ARSB: variants seen among roughly 807,000 people sequenced by gnomAD.
The protein encoded by ARSB is N-acetylgalactosamine-4-sulfatase.
A neutral mutation model predicts 50.9 loss-of-function variants in ARSB; 41 were observed. The observed-to-expected ratio is 0.81, with a 90% CI of 0.63 to 1.04. The LOEUF (loss-of-function observed/expected upper bound fraction) is 1.04, where lower values mean the gene tolerates loss of function less well. ARSB is among the 50% of genes least tolerant of loss of function. The pLI, the probability that ARSB is intolerant of heterozygous loss-of-function variation, is 0.00. For synonymous variants in ARSB, 269 were observed against 284.8 expected (o/e 0.94, Z 0.56); for missense variants, 672 against 693.3 (o/e 0.97, Z 0.35).
intron 6 of ARSB, among the ~76,000 whole-genome samples, chr5:78,819,059 G>C (rs992283269): frequency 7.2e-5 from 11 of 152,308 alleles, no homozygotes; most frequent in African/African-American, 2.6e-4. Flanking sequence ...TAGATTTATA[G>C]TTGAGATTTC....
At chr5:78,891,003 G>A (rs746411943) in intron 4 of ARSB, among the ~76,000 whole-genome samples, 5 of 152,028 alleles carry the variant, frequency 3.3e-5, no homozygotes, top group Non-Finnish European at 7.4e-5. Flanking sequence ...TTGTTAATCA[G>A]TTGTTCATGG....
rs146485893 is a variant in ARSB at position 78,817,038 on chromosome 5, G to T, written c.1213+22318C>A. ...TAAGCTGCTAAATTTGTGGTAATTT[G>T]CTATACAGCGATAGGAAATAAATGC... On this transcript the variant is annotated intron_variant, in intron 6 of 7. Coordinates refer to ENST00000264914, the MANE Select transcript of ARSB (RefSeq NM_000046.5). 1.5e-4 allele frequency: 149 copies of T among 968,450 alleles called. No homozygotes were observed. In the African/African-American group the frequency reaches 2.5e-3, roughly 16 times the overall value. 60.0% of individuals were successfully genotyped at this position (968,450 alleles called of 1,614,324 possible).
At position 78,983,410 on chromosome 5, in the gene ARSB, G is replaced by A. The variant is rs140724347; in HGVS notation, c.312+1527C>T. On this transcript the variant is annotated intron_variant, in intron 1 of 7. Transcript: ENST00000264914. ...TCCTGTCCAACTCTGTTGGAAGGGA[G>A]GAAGTTGGAGAAATGAATGGCCCTT... 1.9e-3 allele frequency among the ~76,000 whole-genome samples: 294 copies of A among 152,296 alleles called. 1 individual carries two copies. The highest frequency in any genetic ancestry group is 6.7e-3 in the African/African-American group (280 of 41,562).
At chr5:78,822,497 T>C (rs928784703) in intron 6 of ARSB, among the ~76,000 whole-genome samples, 35 of 152,190 alleles carry the variant, frequency 2.3e-4, no homozygotes, top group African/African-American at 8.4e-4. Context: ...TTCTTTGTTC[T>C]TTTTCAAAAA....
chr5:78,850,363 A>T (rs1207443598), intron 5 of ARSB, among the ~76,000 whole-genome samples: 6 of 152,274 alleles, frequency 3.9e-5, no homozygotes, highest in African/African-American at 1.4e-4. Flanking sequence ...GATTACATTT[A>T]TTGATTTGCG....
intron 5 of ARSB, chr5:78,884,370 C>T (rs1747906868): frequency 1.3e-5 from 2 of 150,386 alleles, no homozygotes. Context: ...TACATACATA[C>T]ACACACACAC....
chr5:78,928,883 T>C (rs1223276897), intron 4 of ARSB, among the ~76,000 whole-genome samples: 1 of 152,214 alleles, frequency 6.6e-6, no homozygotes, highest in Admixed American at 6.5e-5. Flanking sequence ...ATTTCTCCTG[T>C]GGTCTTGTGT....
At chr5:78,839,937 A>G (rs535763717) in intron 5 of ARSB, among the ~76,000 whole-genome samples, 2 of 152,354 alleles carry the variant, frequency 1.3e-5, no homozygotes, top group South Asian at 4.1e-4. Context: ...CATGAGAAAT[A>G]CCTAGATCTC....
rs1580168755 is a variant in ARSB at position 78,984,788 on chromosome 5, T to C, written c.312+149A>G. The C allele has an allele frequency of 9.6e-6, 5 of 523,336 alleles. No individual in the cohort carries two copies. In the East Asian group the frequency reaches 1.6e-4, roughly 17 times the overall value. The allele number at this position is 523,336 out of a possible 1,614,324, so 32.4% of individuals were successfully genotyped here. A position where few individuals can be genotyped will look rare whatever the true frequency, so the allele number is the denominator to read the frequency against. ...GGGCTGCCGGCCTGGAAGAGCGAGG[T>C]TGGGGCGAGAAGCCGCCGGGACCCA... is the stretch of plus-strand genomic sequence containing the variant. On this transcript the variant is annotated intron_variant, in intron 1 of 7. Coordinates refer to ENST00000264914, the MANE Select transcript of ARSB (RefSeq NM_000046.5).
chr5:78,906,567 T>G (rs1236754220), intron 4 of ARSB, among the ~76,000 whole-genome samples: 1 of 152,164 alleles, frequency 6.6e-6, no homozygotes, highest in Non-Finnish European at 1.5e-5. Context: ...AAGCTTTGAC[T>G]TTATTCCCCA....
At chr5:78,924,404 T>C (rs184596628) in intron 4 of ARSB, among the ~76,000 whole-genome samples, 4 of 152,334 alleles carry the variant, frequency 2.6e-5, no homozygotes, top group Non-Finnish European at 4.4e-5. Flanking sequence ...CTCTCCAAGA[T>C]GGGTCCTAAA....
chr5:78,982,639 A>G (rs1752956654), intron 1 of ARSB, among the ~76,000 whole-genome samples: 1 of 152,236 alleles, frequency 6.6e-6, no homozygotes, highest in African/African-American at 2.4e-5. Flanking sequence ...GTTACAGAAC[A>G]GAGATGATAG....
chr5:78,864,006 A>G (rs1375636301), intron 5 of ARSB, among the ~76,000 whole-genome samples: 5 of 151,852 alleles, frequency 3.3e-5, no homozygotes, highest in Admixed American at 3.3e-4. Flanking sequence ...ATAAAGAAAG[A>G]AAGTAATATC....
At chr5:78,976,743 G>T (rs960511426) in intron 1 of ARSB, among the ~76,000 whole-genome samples, 1 of 152,156 alleles carries the variant, frequency 6.6e-6, no homozygotes, top group African/African-American at 2.4e-5. Flanking sequence ...TGTTAGATTC[G>T]AAATGTTCTT....
At chr5:78,942,189 C>T (rs337874) in intron 4 of ARSB, among the ~76,000 whole-genome samples, 34,043 of 151,698 alleles carry the variant, frequency 0.22, 3,963 homozygotes, top group East Asian at 0.44. Context: ...CTTTATTAGT[C>T]TTGCTAGCGG....
intron 6 of ARSB, chr5:78,816,184 C>T: frequency 6.2e-7 from 1 of 1,613,278 alleles, no homozygotes; most frequent in Non-Finnish European, 8.5e-7. Flanking sequence ...ATCAGGACTG[C>T]ATTTCTAGTC....
At chr5:78,797,369 C>G (rs1054089099) in intron 6 of ARSB, among the ~76,000 whole-genome samples, 2 of 152,202 alleles carry the variant, frequency 1.3e-5, no homozygotes, top group African/African-American at 2.4e-5. Context: ...GCTGGGTATT[C>G]TAGACTCCAG....
intron 5 of ARSB, among the ~76,000 whole-genome samples, chr5:78,860,528 T>A (rs1286268817): frequency 2.0e-5 from 3 of 152,070 alleles, no homozygotes; most frequent in Non-Finnish European, 4.4e-5. Context: ...AATAATGAAA[T>A]GAAGGCAGAA....
intron 5 of ARSB, among the ~76,000 whole-genome samples, chr5:78,842,837 C>A (rs1745288833): frequency 6.7e-6 from 1 of 149,320 alleles, no homozygotes; most frequent in Non-Finnish European, 1.5e-5. Context: ...ATCCCTTCCT[C>A]ACTCCTCTGG....
Sources: gnomAD v4.1 joint callset for allele counts (sites outside exome capture counted in the v4.1 genomes callset) on GRCh38, gnomAD v4.1.1 for gene constraint, MANE v1.5 for transcripts, NCBI Gene and HGNC (gene_info 2026-07-23, HGNC 2026-07-21) for gene names.